Variants in RCL1 observed in about 807,000 individuals in gnomAD.
RCL1 encodes the protein RNA 3'-terminal phosphate cyclase-like protein.
In RCL1, 24 loss-of-function variants were observed where a neutral mutation model predicts 42.4. The observed-to-expected ratio is 0.57, with a 90% CI of 0.41 to 0.80. The LOEUF is 0.80. Ranked by LOEUF, RCL1 falls within the 30% of genes least tolerant of loss-of-function variation. The pLI, the probability that RCL1 is intolerant of heterozygous loss-of-function variation, is 0.00. For synonymous variants in RCL1, 228 were observed against 177.3 expected (o/e 1.29, Z -2.27); for missense variants, 578 against 467.9 (o/e 1.24, Z -2.17).
intron 8 of RCL1, among the ~76,000 whole-genome samples, chr9:4,851,290 T>C (rs1308376988): frequency 2.0e-5 from 3 of 152,220 alleles, no homozygotes; most frequent in Non-Finnish European, 4.4e-5. Flanking sequence ...TGATGTATCT[T>C]GAGGCTGGGG....
intron 8 of RCL1, among the ~76,000 whole-genome samples, chr9:4,854,369 A>T (rs141495061): frequency 1.3e-5 from 2 of 152,226 alleles, no homozygotes; most frequent in East Asian, 1.9e-4. Flanking sequence ...TGTAATGACT[A>T]TAGGGACTCC....
intron 1 of RCL1, among the ~76,000 whole-genome samples, chr9:4,817,175 G>A (rs910590806): frequency 6.6e-6 from 1 of 151,952 alleles, no homozygotes; most frequent in Non-Finnish European, 1.5e-5. Flanking sequence ...CTTCATCAGC[G>A]ACCTTTTCTG....
At chr9:4,813,782 C>T (rs774475592) in intron 1 of RCL1, among the ~76,000 whole-genome samples, 1 of 152,196 alleles carries the variant, frequency 6.6e-6, no homozygotes, top group African/African-American at 2.4e-5. Flanking sequence ...AGACTTGGAA[C>T]CAACCCAAAT....
In RCL1 at chr9:4,860,859, C is replaced by T. The variant is rs1392880205; in HGVS notation, c.*584C>T. 6.6e-6 allele frequency: 1 copy of T among 152,230 alleles called. No individual in the cohort carries two copies. Among genetic ancestry groups the T allele is most frequent in the Non-Finnish European group, 1.5e-5 (1 of 68,080 alleles). The allele number at this position is 152,230 out of a possible 1,614,324, so 9.4% of individuals were successfully genotyped here. ...CACGGACACGGATCTTCATCTGGTT[C>T]ATTGTATTTATATGTGAGGGATGGA... On this transcript the variant is annotated 3_prime_UTR_variant, in exon 9 of 9. Coordinates refer to ENST00000381750, the MANE Select transcript of RCL1 (RefSeq NM_005772.5).
chr9:4,804,133 T>G (rs1843054605), intron 1 of RCL1: 1 of 152,598 alleles, frequency 6.6e-6, no homozygotes, highest in African/African-American at 2.4e-5. Context: ...CAGCTACATC[T>G]GGTCGGGCAG....
intron 1 of RCL1, among the ~76,000 whole-genome samples, chr9:4,796,561 G>A (rs1183594855): frequency 6.6e-6 from 1 of 152,066 alleles, no homozygotes; most frequent in East Asian, 1.9e-4. Context: ...GCATCTAGTT[G>A]ATTTTTAAAA....
At chr9:4,809,953 A>T (rs1262297601) in intron 1 of RCL1, among the ~76,000 whole-genome samples, 1 of 152,084 alleles carries the variant, frequency 6.6e-6, no homozygotes, top group Non-Finnish European at 1.5e-5. Flanking sequence ...AGTAGCTGGG[A>T]TTACAGATGT....
chr9:4,819,541 G>T (rs1291520263), intron 1 of RCL1, among the ~76,000 whole-genome samples: 1 of 152,186 alleles, frequency 6.6e-6, no homozygotes, highest in Non-Finnish European at 1.5e-5. Context: ...AACAGAATTT[G>T]CTCACGCCTG....
chr9:4,807,429 A>G (rs886451227), intron 1 of RCL1, among the ~76,000 whole-genome samples: 2 of 152,188 alleles, frequency 1.3e-5, no homozygotes, highest in African/African-American at 2.4e-5. Flanking sequence ...GTTGTATCCC[A>G]TAAATTTTGG....
chr9:4,847,309 A>C (rs1249167314), intron 7 of RCL1, among the ~76,000 whole-genome samples: 1 of 152,216 alleles, frequency 6.6e-6, no homozygotes, highest in African/African-American at 2.4e-5. Flanking sequence ...AAAGGATGGA[A>C]ATACTTCATG....
intron 1 of RCL1, among the ~76,000 whole-genome samples, chr9:4,809,906 T>A (rs972838581): frequency 1.3e-5 from 2 of 152,130 alleles, no homozygotes; most frequent in African/African-American, 4.8e-5. Context: ...AACTTCCACC[T>A]CCTGGGTTCA....
intron 1 of RCL1, among the ~76,000 whole-genome samples, chr9:4,798,261 G>C (rs114485308): frequency 0.012 from 1,786 of 152,330 alleles, 27 homozygotes; most frequent in African/African-American, 0.042. Context: ...GCAGGGTTCA[G>C]TTTAACAGTC....
chr9:4,835,508 A>G (rs1026563747), intron 5 of RCL1, among the ~76,000 whole-genome samples: 8 of 152,112 alleles, frequency 5.3e-5, no homozygotes, highest in Admixed American at 3.9e-4. Flanking sequence ...TGTGGGGACC[A>G]CTCTTTACAG....
chr9:4,841,133 G>A, intron 5 of RCL1, 99 bp from the exon 6 acceptor site: 1 of 1,301,518 alleles, frequency 7.7e-7, no homozygotes, highest in Non-Finnish European at 1.1e-6. Flanking sequence ...GGAAGTCCCA[G>A]TTTGTTACTA....
intron 1 of RCL1, among the ~76,000 whole-genome samples, chr9:4,800,544 G>T (rs1179500170): frequency 6.6e-6 from 1 of 151,762 alleles, no homozygotes; most frequent in Non-Finnish European, 1.5e-5. Flanking sequence ...TGTGAACATA[G>T]TCTTCCTTTC....
intron 1 of RCL1, among the ~76,000 whole-genome samples, chr9:4,798,878 CTTTT>C (rs33938649): frequency 1.7e-4 from 24 of 139,776 alleles, no homozygotes; most frequent in African/African-American, 4.2e-4. Flanking sequence ...AAGACTTCTT[CTTTT>C]TTTTTTTTTT....
At position 4,793,120 on chromosome 9, in the gene RCL1, A is replaced by G; in HGVS notation, c.29A>G (p.Tyr10Cys). 6.2e-7 allele frequency: 1 copy of G among 1,610,138 alleles called. No homozygotes were observed. The highest frequency in any genetic ancestry group is 8.5e-7 in the Non-Finnish European group (1 of 1,178,570). MATQAHSLS[Y>C]AGCNFLRQRL... The stretch of plus-strand genomic sequence containing the variant: ...GCGACTCAGGCGCACTCCCTCAGCT[A>G]CGCAGGGTGCAACTTCTTGCGCCAA... The change falls in exon 1 of 9, where the codon TAC becomes TGC. Residue 10 changes from tyrosine (Y) to cysteine (C), a missense_variant. Transcript: ENST00000381750.
chr9:4,858,355 A>T (rs896390844), intron 8 of RCL1, among the ~76,000 whole-genome samples: 2 of 151,898 alleles, frequency 1.3e-5, no homozygotes, highest in African/African-American at 4.8e-5. Context: ...TTTAATTTTG[A>T]TGAAGTCCAA....
chr9:4,793,127 G>T lies in RCL1; in HGVS notation c.36G>T (p.Gly12=). The change falls in exon 1 of 9, where the codon GGG becomes GGT. Residue 12 remains glycine (G), a synonymous_variant. Coordinates refer to ENST00000381750, the MANE Select transcript of RCL1 (RefSeq NM_005772.5). Reference sequence around the variant, plus strand: ...AGGCGCACTCCCTCAGCTACGCAGGGTGCAACTTCTTGCGCCAACGTCTGG... The same window carrying T: ...AGGCGCACTCCCTCAGCTACGCAGGTTGCAACTTCTTGCGCCAACGTCTGG... The part of the protein sequence containing the change: ...ATQAHSLSYA[G]CNFLRQRLVL... 1.2e-6 allele frequency: 2 copies of T among 1,611,804 alleles called. No individual in the cohort carries two copies. The highest frequency in any genetic ancestry group is 2.2e-5 in the East Asian group (1 of 44,730).
Sources: gnomAD v4.1 joint callset for allele counts (sites outside exome capture counted in the v4.1 genomes callset) on GRCh38, gnomAD v4.1.1 for gene constraint, MANE v1.5 for transcripts, NCBI Gene and HGNC (gene_info 2026-07-23, HGNC 2026-07-21) for gene names.